Variants in SLC22A15 observed in about 807,000 individuals in gnomAD.
The protein encoded by SLC22A15 is solute carrier family 22 member 15.
SLC22A15 carries 45 observed loss-of-function variants against 62.7 expected under a neutral mutation model. That is an observed-to-expected ratio of 0.72 (90% CI 0.56 to 0.92). The LOEUF (loss-of-function observed/expected upper bound fraction) is 0.92, where lower values mean the gene tolerates loss of function less well. SLC22A15 is among the 40% of genes least tolerant of loss of function. The pLI is 0.00. For missense variants in SLC22A15, 622 were observed against 665.6 expected (o/e 0.93, Z 0.72); for synonymous variants, 264 against 267.0 (o/e 0.99, Z 0.11).
intron 2 of SLC22A15, among the ~76,000 whole-genome samples, chr1:116,015,572 A>G (rs558469591): frequency 6.6e-6 from 1 of 152,330 alleles, no homozygotes; most frequent in African/African-American, 2.4e-5. Flanking sequence ...TGGAGTTTTC[A>G]AATTAGCCAT....
At chr1:116,064,410 G>A (rs1015177061) in intron 9 of SLC22A15, 26 bp from the exon 10 acceptor site, 2 of 1,576,278 alleles carry the variant, frequency 1.3e-6, no homozygotes, top group Non-Finnish European at 1.7e-6. Context: ...AGAACTTACT[G>A]ATGTATTTTT....
intron 8 of SLC22A15, among the ~76,000 whole-genome samples, chr1:116,050,365 A>C (rs1658018225): frequency 6.6e-6 from 1 of 152,212 alleles, no homozygotes; most frequent in South Asian, 2.1e-4. Context: ...AGCTAACCAA[A>C]TCCAACAACA....
intron 2 of SLC22A15, among the ~76,000 whole-genome samples, chr1:115,996,687 GTTAATCTTGTATCCTTTGATC>G (rs56356333): frequency 0.51 from 77,197 of 150,810 alleles, 21,398 homozygotes; most frequent in Non-Finnish European, 0.64. Flanking sequence ...ATTTTTATAT[GTTAATCTTGTATCCTTTGATC>G]TTAATCTTGT....
rs1033856194 is a variant in SLC22A15 at position 116,067,702 on chromosome 1, C to G, written c.*594C>G. 3.3e-5 allele frequency: 5 copies of G among 152,462 alleles called. No individual in the cohort carries two copies. Among genetic ancestry groups the G allele is most frequent in the Non-Finnish European group, 7.3e-5 (5 of 68,320 alleles). 9.4% of individuals were successfully genotyped at this position (152,462 alleles called of 1,614,324 possible). Reference sequence around the variant, plus strand: ...ATGAGTCCTCAGCTTGGTTCCCAGCCTGCTGATTGACTTGGGCTGCTGGTG... The same window carrying G: ...ATGAGTCCTCAGCTTGGTTCCCAGCGTGCTGATTGACTTGGGCTGCTGGTG... On this transcript the variant is annotated 3_prime_UTR_variant, in exon 12 of 12. Transcript: ENST00000369503.
rs1196303571 is a variant in SLC22A15, at chr1:115,976,597, G to A, written c.-31G>A. On this transcript the variant is annotated 5_prime_UTR_variant, in exon 1 of 12. Transcript: ENST00000369503. ...GGAGGGCAGCGCCTGAGAGGGCGGT[G>A]GGGTGGCGGGGTTCCTGCGCGCGGC... The A allele has an allele frequency of 5.9e-6, 9 of 1,523,978 alleles. No individual in the cohort carries two copies. Among genetic ancestry groups the A allele is most frequent in the South Asian group, 2.3e-5 (2 of 86,682 alleles). The allele number at this position is 1,523,978 out of a possible 1,614,324, so 94.4% of individuals were successfully genotyped here.
intron 2 of SLC22A15, among the ~76,000 whole-genome samples, chr1:115,998,316 G>A (rs896732299): frequency 4.6e-5 from 7 of 151,970 alleles, no homozygotes; most frequent in African/African-American, 1.4e-4. Flanking sequence ...TTTGGAAGTA[G>A]AATCAGCTCT....
chr1:116,062,689 C>CAAAATG, intron 8 of SLC22A15, 73 bp from the exon 9 acceptor site: 1 of 1,579,824 alleles, frequency 6.3e-7, no homozygotes, highest in Non-Finnish European at 8.7e-7. Context: ...CCTGCTCCAT[C>CAAAATG]AAAATGAAAT....
intron 8 of SLC22A15, among the ~76,000 whole-genome samples, chr1:116,052,710 T>G (rs1658095950): frequency 6.6e-6 from 1 of 152,120 alleles, no homozygotes; most frequent in Non-Finnish European, 1.5e-5. Context: ...GAGACAAAAC[T>G]TCCAGAGGAA....
intron 5 of SLC22A15, among the ~76,000 whole-genome samples, chr1:116,029,310 T>G (rs1657277546): frequency 6.6e-6 from 1 of 152,198 alleles, no homozygotes; most frequent in African/African-American, 2.4e-5. Context: ...AGGGTCCCCT[T>G]AATTTACAAA....
intron 1 of SLC22A15, among the ~76,000 whole-genome samples, chr1:115,980,007 A>C (rs772814179): frequency 6.6e-6 from 1 of 150,582 alleles, no homozygotes; most frequent in Non-Finnish European, 1.5e-5. Context: ...ATATATACTT[A>C]ATAACCTTAT....
At chr1:116,059,184 C>A (rs1658310354) in intron 8 of SLC22A15, among the ~76,000 whole-genome samples, 1 of 152,232 alleles carries the variant, frequency 6.6e-6, no homozygotes, top group Middle Eastern at 3.4e-3. Flanking sequence ...ACAGAGACCG[C>A]AAGTGTTGGT....
At chr1:115,977,636 T>C (rs1047883086) in intron 1 of SLC22A15, among the ~76,000 whole-genome samples, 2 of 152,204 alleles carry the variant, frequency 1.3e-5, no homozygotes, top group African/African-American at 4.8e-5. Flanking sequence ...GTGCTGAACA[T>C]AGGGATGCCA....
chr1:116,016,061 ACTTT>A (rs1415412295), intron 2 of SLC22A15, among the ~76,000 whole-genome samples: 1 of 151,424 alleles, frequency 6.6e-6, no homozygotes, highest in South Asian at 2.1e-4. Flanking sequence ...TTTATATGAA[ACTTT>A]CTTTCTCTTT....
At position 116,027,040 on chromosome 1, in the gene SLC22A15, T is replaced by C. The variant is rs1657128924; in HGVS notation, c.728+18T>C. ...TTATCTTTGTAAGTAGTTTTTCCTC[T>C]TAGAGTTTTAATTTAAAAAGCCAAA... is the stretch of plus-strand genomic sequence containing the variant. On this transcript the variant is annotated intron_variant, in intron 5 of 11. Coordinates refer to ENST00000369503, the MANE Select transcript of SLC22A15 (RefSeq NM_018420.3). The C allele has an allele frequency of 6.2e-7, 1 of 1,610,656 alleles. No homozygotes were observed.
chr1:116,046,234 G>GAA (rs554577888), intron 8 of SLC22A15, among the ~76,000 whole-genome samples: 2 of 151,568 alleles, frequency 1.3e-5, no homozygotes, highest in African/African-American at 4.8e-5. Flanking sequence ...AGCACAAAAA[G>GAA]AAAAAAAATT....
chr1:116,038,947 T>C (rs752979909), intron 8 of SLC22A15, among the ~76,000 whole-genome samples: 1 of 152,152 alleles, frequency 6.6e-6, no homozygotes, highest in Non-Finnish European at 1.5e-5. Flanking sequence ...CCAGGTAACC[T>C]ATCCCCTAGG....
intron 8 of SLC22A15, among the ~76,000 whole-genome samples, chr1:116,039,355 A>G (rs564272420): frequency 4.4e-4 from 67 of 152,234 alleles, no homozygotes; most frequent in African/African-American, 1.5e-3. Flanking sequence ...CAACATGGTG[A>G]AACCCCATCT....
intron 3 of SLC22A15, 90 bp from the exon 4 acceptor site, chr1:116,020,631 A>G: frequency 9.4e-7 from 1 of 1,067,936 alleles, no homozygotes; most frequent in Non-Finnish European, 1.3e-6. Context: ...GTTTACAAAC[A>G]TTTATTTTAT....
intron 8 of SLC22A15, among the ~76,000 whole-genome samples, chr1:116,047,833 A>T (rs578207961): frequency 1.3e-5 from 2 of 152,316 alleles, no homozygotes; most frequent in East Asian, 3.9e-4. Flanking sequence ...CCAAAAAATG[A>T]TACAAGAAGT....
Sources: allele counts gnomAD v4.1 joint callset (sites outside exome capture counted in the v4.1 genomes callset), GRCh38; gene constraint gnomAD v4.1.1; transcripts MANE v1.5; gene names NCBI Gene and HGNC (gene_info 2026-07-23, HGNC 2026-07-21).